The following PRR5L variants were observed in gnomAD, a reference collection of about 807,000 sequenced individuals.
The protein encoded by PRR5L is proline-rich protein 5-like.
A neutral mutation model predicts 36.4 loss-of-function variants in PRR5L; 21 were observed. The observed-to-expected ratio is 0.58, with a 90% CI of 0.41 to 0.83. The LOEUF (loss-of-function observed/expected upper bound fraction) is 0.83, where lower values mean the gene tolerates loss of function less well. Among genes scored for constraint, PRR5L ranks in the 40% least tolerant of loss-of-function variants. PRR5L has a pLI of 0.00. For missense variants in PRR5L, 381 were observed against 473.3 expected, an observed-to-expected ratio of 0.80 and a Z score of 1.81; for synonymous variants, 188 against 197.0, an observed-to-expected ratio of 0.95 and a Z score of 0.38.
intron 1 of PRR5L, among the ~76,000 whole-genome samples, chr11:36,308,056 G>T (rs1054574757): frequency 1.3e-5 from 2 of 152,198 alleles, no homozygotes; most frequent in Non-Finnish European, 2.9e-5. Flanking sequence ...CTGTCCCTGG[G>T]GTTTGTGCTG....
intron 1 of PRR5L, among the ~76,000 whole-genome samples, chr11:36,310,351 T>C (rs1856487722): frequency 6.6e-6 from 1 of 152,328 alleles, no homozygotes; most frequent in Admixed American, 6.5e-5. Flanking sequence ...CCTTAGGAGC[T>C]GTTTACACTT....
intron 1 of PRR5L, among the ~76,000 whole-genome samples, chr11:36,304,427 G>T (rs543061684): frequency 6.6e-6 from 1 of 152,276 alleles, no homozygotes; most frequent in African/African-American, 2.4e-5. Context: ...TGAACAGTTT[G>T]GTGAGGAGCC....
chr11:36,391,187 A>C (rs1857556257), intron 1 of PRR5L, among the ~76,000 whole-genome samples: 1 of 152,204 alleles, frequency 6.6e-6, no homozygotes, highest in Non-Finnish European at 1.5e-5. Context: ...CCTCAGAGTT[A>C]TTATAAGCCA....
chr11:36,382,313 A>G (rs1205689454), intron 1 of PRR5L, among the ~76,000 whole-genome samples: 1 of 152,230 alleles, frequency 6.6e-6, no homozygotes, highest in African/African-American at 2.4e-5. Flanking sequence ...GCCATAAGCA[A>G]GCTGTATGAC....
chr11:36,396,227 G>A (rs1857657150), intron 1 of PRR5L: 2 of 152,250 alleles, frequency 1.3e-5, no homozygotes, highest in African/African-American at 4.8e-5. Context: ...GCTTGGCCAA[G>A]TCAGGCGCCT....
chr11:36,420,656 T>A (rs569403070), intron 4 of PRR5L, among the ~76,000 whole-genome samples: 9 of 152,192 alleles, frequency 5.9e-5, no homozygotes, highest in Non-Finnish European at 1.2e-4. Flanking sequence ...ATGCCTAACA[T>A]CTTGGTTTCA....
chr11:36,362,967 G>C (rs1339560423), intron 1 of PRR5L, among the ~76,000 whole-genome samples: 6 of 152,128 alleles, frequency 3.9e-5, no homozygotes, highest in Admixed American at 3.9e-4. Flanking sequence ...TATTTCTAAG[G>C]GGGAGAAAGA....
At chr11:36,414,063 A>C (rs1051167913) in intron 3 of PRR5L, among the ~76,000 whole-genome samples, 2 of 149,690 alleles carry the variant, frequency 1.3e-5, no homozygotes, top group African/African-American at 5.0e-5. Context: ...TTATGGCTGC[A>C]TAGTATTCCA....
chr11:36,342,212 C>T (rs1431474703), intron 1 of PRR5L, among the ~76,000 whole-genome samples: 2 of 152,178 alleles, frequency 1.3e-5, no homozygotes, highest in Non-Finnish European at 2.9e-5. Flanking sequence ...AGTGCTTAGC[C>T]TAGTACCAGT....
At chr11:36,390,001 T>C (rs1003313195) in intron 1 of PRR5L, among the ~76,000 whole-genome samples, 3 of 152,204 alleles carry the variant, frequency 2.0e-5, no homozygotes, top group Admixed American at 6.5e-5. Context: ...GTGGAATTCC[T>C]GCTTCACTAG....
At chr11:36,379,072 C>A (rs1244897960) in intron 1 of PRR5L, among the ~76,000 whole-genome samples, 2 of 152,148 alleles carry the variant, frequency 1.3e-5, no homozygotes, top group Non-Finnish European at 2.9e-5. Context: ...GGGAAAAAAG[C>A]CCTAATCTTG....
chr11:36,455,555 C>G (rs1859038309), intron 8 of PRR5L: 2 of 152,822 alleles, frequency 1.3e-5, no homozygotes, highest in Admixed American at 1.3e-4. Context: ...GGACCCGGCC[C>G]TCTTCCCGCT....
intron 1 of PRR5L, among the ~76,000 whole-genome samples, chr11:36,305,005 C>T (rs988829049): frequency 6.6e-6 from 1 of 152,108 alleles, no homozygotes; most frequent in Non-Finnish European, 1.5e-5. Context: ...CAATTTAACC[C>T]AGCAATTCCA....
At chr11:36,403,463 G>GTTTTT (rs34764114) in intron 3 of PRR5L, 85 bp downstream of exon 3, 217 of 650,006 alleles carry the variant, frequency 3.3e-4, no homozygotes, top group African/African-American at 2.6e-3. Flanking sequence ...AGCCTTAAGG[G>GTTTTT]TTTTTTTTTT....
intron 1 of PRR5L, among the ~76,000 whole-genome samples, chr11:36,380,870 C>A (rs547406110): frequency 6.6e-6 from 1 of 152,108 alleles, no homozygotes; most frequent in Non-Finnish European, 1.5e-5. Context: ...ATACTAACTT[C>A]GTTAAAAAGC....
At chr11:36,387,011 GC>G (rs1345857597) in intron 1 of PRR5L, among the ~76,000 whole-genome samples, 2 of 152,184 alleles carry the variant, frequency 1.3e-5, no homozygotes, top group South Asian at 2.1e-4. Context: ...TGGCGCAGGG[GC>G]AGGCGTGGGG....
chr11:36,340,581 G>A (rs1216523843), intron 1 of PRR5L, among the ~76,000 whole-genome samples: 1 of 152,198 alleles, frequency 6.6e-6, no homozygotes, highest in African/African-American at 2.4e-5. Context: ...CACACTAGTA[G>A]TGAAATGTCT....
At chr11:36,354,091 G>A (rs370109894) in intron 1 of PRR5L, among the ~76,000 whole-genome samples, 27 of 152,312 alleles carry the variant, frequency 1.8e-4, no homozygotes, top group African/African-American at 5.5e-4. Flanking sequence ...GAGCACCTGT[G>A]TCTCAATTCT....
At chr11:36,330,411 T>C (rs937518629) in intron 1 of PRR5L, among the ~76,000 whole-genome samples, 1 of 152,228 alleles carries the variant, frequency 6.6e-6, no homozygotes, top group Non-Finnish European at 1.5e-5. Flanking sequence ...CCCTATCTCC[T>C]CTATTAGTTC....
Sources: allele counts gnomAD v4.1 joint callset (sites outside exome capture counted in the v4.1 genomes callset), GRCh38; gene constraint gnomAD v4.1.1; transcripts MANE v1.5; gene names NCBI Gene and HGNC (gene_info 2026-07-23, HGNC 2026-07-21).